ASAP1: variants seen among roughly 807,000 people sequenced by gnomAD.
ASAP1 encodes the protein arf-GAP with SH3 domain, ANK repeat and PH domain-containing protein 1.
A neutral mutation model predicts 145.2 loss-of-function variants in ASAP1; 43 were observed. The observed-to-expected ratio is 0.30, with a 90% CI of 0.23 to 0.38. ASAP1 has a LOEUF of 0.38. Among genes scored for constraint, ASAP1 ranks in the 10% least tolerant of loss-of-function variants. ASAP1 has a pLI of 1.00. For missense variants in ASAP1, 1,018 were observed against 1,355.3 expected, an observed-to-expected ratio of 0.75 and a Z score of 3.91; for synonymous variants, 546 against 515.5, an observed-to-expected ratio of 1.06 and a Z score of -0.80.
intron 5 of ASAP1, among the ~76,000 whole-genome samples, chr8:130,211,211 T>G (rs1280225547): frequency 6.6e-6 from 1 of 152,160 alleles, no homozygotes; most frequent in East Asian, 1.9e-4. Context: ...AAAAGCAAGT[T>G]ACTTTAAAAC....
intron 1 of ASAP1, among the ~76,000 whole-genome samples, chr8:130,404,986 T>C (rs1396922478): frequency 1.3e-5 from 2 of 151,882 alleles, no homozygotes; most frequent in Non-Finnish European, 2.9e-5. Flanking sequence ...GAACCAGCCA[T>C]GCAACTAGAT....
chr8:130,115,614 T>A lies in ASAP1; in HGVS notation c.2172+14A>T. On this transcript the variant is annotated intron_variant, in intron 23 of 29. Coordinates refer to ENST00000518721, the MANE Select transcript of ASAP1 (RefSeq NM_018482.4). ...GGTAGTTGTTGAGAATTCGAGGACA[T>A]AATTTACACTCACTTTGTCATCCAG... is the stretch of plus-strand genomic sequence containing the variant. 1.3e-6 allele frequency: 2 copies of A among 1,596,662 alleles called. No individual in the cohort carries two copies. Among genetic ancestry groups the A allele is most frequent in the African/African-American group, 1.3e-5 (1 of 74,658 alleles).
chr8:130,090,733 T>C lies in ASAP1; in HGVS notation c.2572+1240A>G, dbSNP rs1376703137. 5.9e-5 allele frequency among the ~76,000 whole-genome samples: 9 copies of C among 152,178 alleles called. No individual in the cohort carries two copies. In the East Asian group the frequency reaches 9.7e-4, roughly 16 times the overall value. On this transcript the variant is annotated intron_variant, in intron 25 of 29. Transcript: ENST00000518721. ...ACTGAGAAGGCCCAAGCAAGGGGCA[T>C]AGTAAGTGCCTCAAGTAAGCAAACA...
At position 130,258,461 on chromosome 8, in the gene ASAP1, C is replaced by T. The variant is rs59496740; in HGVS notation, c.187-21467G>A. Among the ~76,000 whole-genome samples, 975 of 152,324 alleles carry T rather than the reference C, an allele frequency of 6.4e-3. 9 individuals are homozygous for T. Among genetic ancestry groups the T allele is most frequent in the African/African-American group, 0.023 (940 of 41,576 alleles). ...AAACTTCCTCCACCCTTAAGTCCCA[C>T]GGATGTTTTAAAACACTGAGTGTAT... On this transcript the variant is annotated intron_variant, in intron 3 of 29. Transcript: ENST00000518721.
chr8:130,119,464 G>A (rs116501070), intron 18 of ASAP1, among the ~76,000 whole-genome samples: 2,289 of 152,264 alleles, frequency 0.015, 31 homozygotes, highest in African/African-American at 0.038. Context: ...CTTTACTTCC[G>A]TTCAAGTGTT....
At chr8:130,080,112 C>A in intron 25 of ASAP1, 141 bp from the exon 26 acceptor site, 1 of 724,776 alleles carries the variant, frequency 1.4e-6, no homozygotes, top group Non-Finnish European at 2.4e-6. Context: ...GCATGCATTT[C>A]TGGCCTAAGA....
intron 2 of ASAP1, among the ~76,000 whole-genome samples, chr8:130,375,552 GAA>G (rs11311647): frequency 0.01 from 1,438 of 143,018 alleles, 22 homozygotes; most frequent in African/African-American, 0.035. Flanking sequence ...ACTCTCGAGG[GAA>G]AAAAAAAAAA....
intron 21 of ASAP1, 33 bp from the exon 22 acceptor site, chr8:130,116,778 A>C: frequency 6.2e-7 from 1 of 1,606,568 alleles, no homozygotes; most frequent in Admixed American, 1.7e-5. Context: ...TTGCATAATT[A>C]TCTAGGAAAC....
chr8:130,177,879 T>C (rs1814076031), intron 9 of ASAP1, among the ~76,000 whole-genome samples: 1 of 152,206 alleles, frequency 6.6e-6, no homozygotes, highest in South Asian at 2.1e-4. Context: ...ACATGCATTC[T>C]TTTTCACTTT....
chr8:130,239,781 T>C (rs774074583), intron 3 of ASAP1, among the ~76,000 whole-genome samples: 5 of 152,134 alleles, frequency 3.3e-5, no homozygotes, highest in South Asian at 2.1e-4. Flanking sequence ...TCCATACTTA[T>C]GATTGCCCTT....
chr8:130,082,714 A>ATTTTTTT (rs10678353), intron 25 of ASAP1: 66 of 80,804 alleles, frequency 8.2e-4, no homozygotes, highest in African/African-American at 2.5e-3. Flanking sequence ...CTCATTACTA[A>ATTTTTTT]TTTTTTTTTT....
chr8:130,145,420 C>T (rs948855837), intron 13 of ASAP1, among the ~76,000 whole-genome samples: 3 of 151,910 alleles, frequency 2.0e-5, no homozygotes, highest in Admixed American at 6.6e-5. Flanking sequence ...TGGGTTCAAG[C>T]GATTCTCCTG....
chr8:130,222,495 C>T (rs1817350336), intron 4 of ASAP1, among the ~76,000 whole-genome samples: 1 of 152,078 alleles, frequency 6.6e-6, no homozygotes, highest in African/African-American at 2.4e-5. Flanking sequence ...GGATTAGATC[C>T]CACTTCATTT....
At chr8:130,226,994 G>A (rs1191205295) in intron 4 of ASAP1, among the ~76,000 whole-genome samples, 1 of 151,994 alleles carries the variant, frequency 6.6e-6, no homozygotes, top group Non-Finnish European at 1.5e-5. Context: ...TAAATAAATA[G>A]GTGTTTAAAA....
At chr8:130,399,814 C>CTTTT (rs66587581) in intron 2 of ASAP1, among the ~76,000 whole-genome samples, 2 of 124,542 alleles carry the variant, frequency 1.6e-5, no homozygotes, top group Middle Eastern at 4.0e-3. Context: ...AAGTCAGTGT[C>CTTTT]TTTTTTTTTT....
Position 130,053,180 on chromosome 8 carries a change from T to C in ASAP1, c.*1551A>G, listed in dbSNP as rs950518806. The C allele has an allele frequency of 6.6e-6, 1 of 152,194 alleles. No individual in the cohort carries two copies. The highest frequency in any genetic ancestry group is 1.5e-5 in the Non-Finnish European group (1 of 68,032). The allele number at this position is 152,194 out of a possible 1,614,324, so 9.4% of individuals were successfully genotyped here. Reference sequence around the variant, plus strand: ...AAGAGGGCTTTTCCTAAGGGTTGGGTTGGGAGTTGTGCTTCTGTGAAATTA... The same window carrying C: ...AAGAGGGCTTTTCCTAAGGGTTGGGCTGGGAGTTGTGCTTCTGTGAAATTA... On this transcript the variant is annotated 3_prime_UTR_variant, in exon 30 of 30. Transcript: ENST00000518721.
intron 12 of ASAP1, among the ~76,000 whole-genome samples, chr8:130,154,408 ATGTGTGGTAGATCTGCG>A (rs1051495973): frequency 2.6e-5 from 4 of 152,216 alleles, no homozygotes; most frequent in Non-Finnish European, 5.9e-5. Flanking sequence ...ACGAGACTGC[ATGTGTGGTAGATCTGCG>A]TGTGTGCAGG....
chr8:130,223,573 A>T (rs1471530618), intron 4 of ASAP1, among the ~76,000 whole-genome samples: 1 of 152,148 alleles, frequency 6.6e-6, no homozygotes, highest in Non-Finnish European at 1.5e-5. Context: ...ATAAACTGTG[A>T]TCTAGGGCAA....
intron 4 of ASAP1, among the ~76,000 whole-genome samples, chr8:130,216,304 G>C (rs1816924976): frequency 6.6e-6 from 1 of 152,214 alleles, no homozygotes; most frequent in African/African-American, 2.4e-5. Context: ...TGGATCAGAT[G>C]AATTAGGTGC....
Sources: allele counts gnomAD v4.1 joint callset (sites outside exome capture counted in the v4.1 genomes callset), GRCh38; gene constraint gnomAD v4.1.1; transcripts MANE v1.5; gene names NCBI Gene and HGNC (gene_info 2026-07-23, HGNC 2026-07-21).